Variants in WNT3A observed in about 807,000 individuals in gnomAD.
WNT3A encodes the protein Wnt family member 3A, also known as protein Wnt-3a.
A neutral mutation model predicts 37.0 loss-of-function variants in WNT3A; 17 were observed. The ratio of observed to expected loss-of-function variants is 0.46; its 90% confidence interval spans 0.31 to 0.69. The LOEUF (loss-of-function observed/expected upper bound fraction) is 0.69. WNT3A is among the 30% of genes least tolerant of loss of function. The probability of loss-of-function intolerance (pLI) is 0.05; values close to 1 mark genes in which losing one functional copy is unlikely to be tolerated. For missense variants in WNT3A, 411 were observed against 510.2 expected, an observed-to-expected ratio of 0.81 and a Z score of 1.87; for synonymous variants, 187 against 211.0, an observed-to-expected ratio of 0.89 and a Z score of 0.99.
At chr1:228,040,971 TTATATATATA>T (rs4065965) in intron 2 of WNT3A, among the ~76,000 whole-genome samples, 1 of 138,144 alleles carries the variant, frequency 7.2e-6, no homozygotes, top group Non-Finnish European at 1.5e-5. Flanking sequence ...GGTAGATATT[TTATATATATA>T]TATATATATA....
intron 1 of WNT3A, among the ~76,000 whole-genome samples, chr1:228,019,241 C>T (rs909773086): frequency 3.9e-5 from 6 of 152,200 alleles, no homozygotes; most frequent in Non-Finnish European, 7.3e-5. Context: ...CCCGAGCCTG[C>T]GAGCTGAGGT....
chr1:228,045,491 G>A (rs2031381947), intron 2 of WNT3A, among the ~76,000 whole-genome samples: 1 of 152,200 alleles, frequency 6.6e-6, no homozygotes, highest in African/African-American at 2.4e-5. Flanking sequence ...GATGGCAGGG[G>A]AAGGGGCGCT....
chr1:228,038,562 C>G lies in WNT3A; in HGVS notation c.314-12094C>G, dbSNP rs976102958. On this transcript the variant is annotated intron_variant, in intron 2 of 3. Transcript: ENST00000284523. This position sits in a 1 kb window ranked among gnomAD's most constrained non-coding sequence, Gnocchi z 5.7. The stretch of plus-strand genomic sequence containing the variant: ...GTCCTAGCTGGGATCCAAGGCACCC[C>G]CCTCACTCAGCCAGCCCCTTCCAGC... Among the ~76,000 whole-genome samples, 2 of 152,176 alleles carry G rather than the reference C, an allele frequency of 1.3e-5. No individual in the cohort carries two copies. Among genetic ancestry groups the G allele is most frequent in the Admixed American group, 6.5e-5 (1 of 15,288 alleles).
rs2031197985 is a variant in WNT3A, at chr1:228,038,558, AC to A, written c.314-12092del. Reference sequence around the variant, plus strand: ...GGTGGTCCTAGCTGGGATCCAAGGCACCCCCCTCACTCAGCCAGCCCCTTCC... The same window carrying A: ...GGTGGTCCTAGCTGGGATCCAAGGCACCCCCTCACTCAGCCAGCCCCTTCC... On this transcript the variant is annotated intron_variant, in intron 2 of 3. Coordinates refer to ENST00000284523, the MANE Select transcript of WNT3A (RefSeq NM_033131.4). This position sits in a 1 kb window ranked among gnomAD's most constrained non-coding sequence, Gnocchi z 5.7. 6.6e-6 allele frequency among the ~76,000 whole-genome samples: 1 copy of A among 151,638 alleles called. No homozygotes were observed. Among genetic ancestry groups the A allele is most frequent in the East Asian group, 1.9e-4 (1 of 5,154 alleles).
rs534379273 is a variant in WNT3A at position 228,023,019 on chromosome 1, C to T, written c.313+111C>T. 67 of 1,472,298 alleles carry T rather than the reference C, an allele frequency of 4.6e-5. No individual in the cohort carries two copies. In the African/African-American group the frequency reaches 5.1e-4, roughly 11 times the overall value. The allele number at this position is 1,472,298 out of a possible 1,614,324, so 91.2% of individuals were successfully genotyped here. A position where few individuals can be genotyped will look rare whatever the true frequency, so the allele number is the denominator to read the frequency against. On this transcript the variant is annotated intron_variant, in intron 2 of 3. Coordinates refer to ENST00000284523, the MANE Select transcript of WNT3A (RefSeq NM_033131.4). ...CACACGGTGGGAACAGTGCCTCACG[C>T]GGACGCTGGGGTCCTTCCCGCTTAC...
Position 228,060,453 on chromosome 1 carries a change from G to A in WNT3A, c.*988G>A, listed in dbSNP as rs11588071. ...CCCACCTGACCAGGGGCCCTACCTG[G>A]GGAAAGCCTGAAGGGCCTCCCAGCC... On this transcript the variant is annotated 3_prime_UTR_variant, in exon 4 of 4. Coordinates refer to ENST00000284523, the MANE Select transcript of WNT3A (RefSeq NM_033131.4). The A allele has an allele frequency of 2.0e-6, 1 of 489,898 alleles. No individual in the cohort carries two copies. Among genetic ancestry groups the A allele is most frequent in the East Asian group, 7.2e-5 (1 of 13,868 alleles). The allele number at this position is 489,898 out of a possible 1,614,324, so 30.3% of individuals were successfully genotyped here.
At chr1:228,018,094 C>T (rs2030584436) in intron 1 of WNT3A, among the ~76,000 whole-genome samples, 1 of 152,200 alleles carries the variant, frequency 6.6e-6, no homozygotes, top group Non-Finnish European at 1.5e-5. Flanking sequence ...GTATTTGATG[C>T]ACCCTGAGAA....
chr1:228,050,639 C>A lies in WNT3A; in HGVS notation c.314-17C>A. ...GAGCTGAGCCCTGTTAACCCTGCAT[C>A]TCTCCTCTCTCTACAGCTACCAGGG... On this transcript the variant is annotated splice_polypyrimidine_tract_variant and intron_variant, in intron 2 of 3. Coordinates refer to ENST00000284523, the MANE Select transcript of WNT3A (RefSeq NM_033131.4). The surrounding 1 kb of genome is among the most constrained non-coding windows in gnomAD (Gnocchi z 5.0). 1.3e-6 allele frequency: 2 copies of A among 1,576,906 alleles called. No homozygotes were observed. Among genetic ancestry groups the A allele is most frequent in the Non-Finnish European group, 8.6e-7 (1 of 1,158,092 alleles).
intron 2 of WNT3A, among the ~76,000 whole-genome samples, chr1:228,029,716 G>C (rs370063221): frequency 6.6e-6 from 1 of 151,270 alleles, no homozygotes; most frequent in Non-Finnish European, 1.5e-5. Context: ...TGTCCTCCCC[G>C]CAATAGTATG....
Position 228,008,987 on chromosome 1 carries a change from T to C in WNT3A, c.71+1788T>C, listed in dbSNP as rs2030290041. 6.6e-6 allele frequency among the ~76,000 whole-genome samples: 1 copy of C among 151,932 alleles called. No individual in the cohort carries two copies. Among genetic ancestry groups the C allele is most frequent in the Non-Finnish European group, 1.5e-5 (1 of 67,960 alleles). ...AGGGGAGCCAGGAGGAGCAGAGAAG[T>C]GAAGTCCCTGTACCCTCCGCACCCT... is the stretch of plus-strand genomic sequence containing the variant. On this transcript the variant is annotated intron_variant, in intron 1 of 3. Transcript: ENST00000284523. This position sits in a 1 kb window ranked among gnomAD's most constrained non-coding sequence, Gnocchi z 4.9.
rs1372447421 is a variant in WNT3A at position 228,008,396 on chromosome 1, C to G, written c.71+1197C>G. 6.6e-6 allele frequency among the ~76,000 whole-genome samples: 1 copy of G among 152,218 alleles called. No individual in the cohort carries two copies. Among genetic ancestry groups the G allele is most frequent in the Non-Finnish European group, 1.5e-5 (1 of 68,046 alleles). On this transcript the variant is annotated intron_variant, in intron 1 of 3. Transcript: ENST00000284523. This position sits in a 1 kb window ranked among gnomAD's most constrained non-coding sequence, Gnocchi z 4.9. ...AATAATTTTTCTCTTCGAGATGGTT[C>G]AGGAGCGGGGGCTCCCGCGGTAGGG...
At chr1:228,035,702 C>T (rs1230304234) in intron 2 of WNT3A, among the ~76,000 whole-genome samples, 1 of 152,192 alleles carries the variant, frequency 6.6e-6, no homozygotes, top group African/African-American at 2.4e-5. Flanking sequence ...CCCTAAGGTG[C>T]CAGCGTTGGG....
intron 2 of WNT3A, among the ~76,000 whole-genome samples, chr1:228,040,341 T>G (rs74143623): frequency 1.2e-3 from 179 of 152,270 alleles, no homozygotes; most frequent in African/African-American, 4.2e-3. Context: ...TGTCACCCCC[T>G]AACAGGGCAG....
intron 2 of WNT3A, among the ~76,000 whole-genome samples, chr1:228,030,646 A>C (rs1466305040): frequency 6.6e-6 from 1 of 152,138 alleles, no homozygotes; most frequent in East Asian, 1.9e-4. Flanking sequence ...ACACGGACTG[A>C]GACACTCTCT....
rs1170995636 is a variant in WNT3A, at chr1:228,042,180, T to A, written c.314-8476T>A. 2.0e-5 allele frequency among the ~76,000 whole-genome samples: 3 copies of A among 152,202 alleles called. No individual in the cohort carries two copies. Among genetic ancestry groups the A allele is most frequent in the African/African-American group, 7.2e-5 (3 of 41,450 alleles). On this transcript the variant is annotated intron_variant, in intron 2 of 3. Coordinates refer to ENST00000284523, the MANE Select transcript of WNT3A (RefSeq NM_033131.4). The surrounding 1 kb of genome is among the most constrained non-coding windows in gnomAD (Gnocchi z 5.2). Reference sequence around the variant, plus strand: ...TTTTAGTAGAGACGGGGTTTCACCATGTTGGCCAGGATGGTCTCAATCTCT... The same window carrying A: ...TTTTAGTAGAGACGGGGTTTCACCAAGTTGGCCAGGATGGTCTCAATCTCT...
At chr1:228,019,240 G>A (rs985212816) in intron 1 of WNT3A, among the ~76,000 whole-genome samples, 19 of 152,198 alleles carry the variant, frequency 1.2e-4, no homozygotes, top group Admixed American at 7.2e-4. Flanking sequence ...CCCCGAGCCT[G>A]CGAGCTGAGG....
intron 1 of WNT3A, among the ~76,000 whole-genome samples, chr1:228,013,146 C>A (rs1292684239): frequency 6.6e-6 from 1 of 152,174 alleles, no homozygotes; most frequent in Admixed American, 6.5e-5. Flanking sequence ...CTCCTGGGCT[C>A]CAGCAGTCCT....
In WNT3A at chr1:228,038,034, G is replaced by A. The variant is rs1038730547; in HGVS notation, c.314-12622G>A. 6.6e-6 allele frequency among the ~76,000 whole-genome samples: 1 copy of A among 152,096 alleles called. No individual in the cohort carries two copies. Among genetic ancestry groups the A allele is most frequent in the African/African-American group, 2.4e-5 (1 of 41,440 alleles). On this transcript the variant is annotated intron_variant, in intron 2 of 3. Transcript: ENST00000284523. This position sits in a 1 kb window ranked among gnomAD's most constrained non-coding sequence, Gnocchi z 5.7. ...CGGCGTGACAGTGGCGCACAAAGCCGGATTCAAGCGCCCCAGCGGGTCAGC... is the reference window on the plus strand; with the variant it reads ...CGGCGTGACAGTGGCGCACAAAGCCAGATTCAAGCGCCCCAGCGGGTCAGC...
rs140349483 is a variant in WNT3A at position 228,053,613 on chromosome 1, A to C, written c.579+2692A>C. ...AAATGTAGAGAAGCTACAGTAGGAAAAGAACTCTGCAGACTAAGAAAAAAA... is the reference window on the plus strand; with the variant it reads ...AAATGTAGAGAAGCTACAGTAGGAACAGAACTCTGCAGACTAAGAAAAAAA... On this transcript the variant is annotated intron_variant, in intron 3 of 3. Transcript: ENST00000284523. Among the ~76,000 whole-genome samples, 721 of 152,340 alleles carry C rather than the reference A, an allele frequency of 4.7e-3. 3 individuals carry two copies. Among genetic ancestry groups the C allele is most frequent in the African/African-American group, 0.016 (684 of 41,584 alleles).
Sources: allele counts gnomAD v4.1 joint callset (sites outside exome capture counted in the v4.1 genomes callset), GRCh38; gene constraint gnomAD v4.1.1; non-coding constraint Gnocchi (gnomAD v3.1); transcripts MANE v1.5; gene names NCBI Gene and HGNC (gene_info 2026-07-23, HGNC 2026-07-21).